The following FBXO34 variants were observed in gnomAD, a reference collection of about 807,000 sequenced individuals.
The protein encoded by FBXO34 is F-box protein 34, also known as F-box only protein 34.
FBXO34 carries 12 observed loss-of-function variants against 24.5 expected under a neutral mutation model. That is an observed-to-expected ratio of 0.49 (90% CI 0.31 to 0.79). FBXO34 has a LOEUF of 0.79. Ranked by LOEUF, FBXO34 falls within the 30% of genes least tolerant of loss-of-function variation. FBXO34 has a pLI of 0.04. For missense variants in FBXO34, 823 were observed against 857.7 expected (o/e 0.96, Z 0.51); for synonymous variants, 320 against 311.9 (o/e 1.03, Z -0.27).
chr14:55,287,938 C>G (rs1402478733), intron 1 of FBXO34, among the ~76,000 whole-genome samples: 8 of 152,218 alleles, frequency 5.3e-5, no homozygotes, highest in African/African-American at 1.9e-4. Flanking sequence ...TTGTTGTGTG[C>G]CTGTGTTTTG....
the FBXO34 span, among the ~76,000 whole-genome samples, chr14:55,405,561 A>C: frequency 6.6e-6 from 1 of 152,206 alleles, no homozygotes; most frequent in Non-Finnish European, 1.5e-5. Flanking sequence ...AGGTATCCTT[A>C]GATTAATTCT....
At chr14:55,312,856 G>C (rs1882795257) in intron 1 of FBXO34, among the ~76,000 whole-genome samples, 1 of 152,216 alleles carries the variant, frequency 6.6e-6, no homozygotes, top group Non-Finnish European at 1.5e-5. Flanking sequence ...TGATGGGATG[G>C]GGCTGCTGTG....
chr14:55,375,119 C>T, the FBXO34 span, among the ~76,000 whole-genome samples: 1 of 152,180 alleles, frequency 6.6e-6, no homozygotes, highest in Admixed American at 6.5e-5. Flanking sequence ...TTCAGCTCCA[C>T]TCCTCATACG....
At chr14:55,367,317 C>CGTTAA (rs1415832190) in exon 3 of FBXO34, 4 of 152,164 alleles carry the variant, frequency 2.6e-5, no homozygotes, top group Non-Finnish European at 2.9e-5. Flanking sequence ...CTTACAAGAT[C>CGTTAA]GTTAAGTTTA....
the FBXO34 span, among the ~76,000 whole-genome samples, chr14:55,375,588 C>A: frequency 2.0e-5 from 3 of 150,454 alleles, no homozygotes; most frequent in East Asian, 5.8e-4. Flanking sequence ...AAGTGATCCT[C>A]CCACTTCAGC....
At chr14:55,365,205 T>TATCA (rs1475718999), downstream of FBXO34, among the ~76,000 whole-genome samples, 2 of 142,116 alleles carry the variant, frequency 1.4e-5, no homozygotes, top group African/African-American at 5.2e-5. Flanking sequence ...AGTGAGACTC[T>TATCA]ATCATCTCTT....
At position 55,276,020 on chromosome 14, in the gene FBXO34, C is replaced by T. The variant is rs144511491; in HGVS notation, c.-11+4483C>T. ...TAGAATGAATGGAACTTGGTGAGTT[C>T]GGGCTTCCTTAGAGGCAAGAACAAG... is the stretch of plus-strand genomic sequence containing the variant. On this transcript the variant is annotated intron_variant, in intron 1 of 1. Coordinates refer to ENST00000313833, the MANE Select transcript of FBXO34 (RefSeq NM_017943.4). 2.3e-3 allele frequency among the ~76,000 whole-genome samples: 346 copies of T among 152,234 alleles called. 1 individual carries two copies. The highest frequency in any genetic ancestry group is 4.4e-3 in the Admixed American group (67 of 15,296).
At chr14:55,367,778 C>G (rs949189356) in exon 3 of FBXO34, 2 of 151,772 alleles carry the variant, frequency 1.3e-5, no homozygotes, top group African/African-American at 4.8e-5. Flanking sequence ...ACGAGAAAAG[C>G]CTACTTCCTC....
In FBXO34 at chr14:55,327,907, GGTTT is replaced by G. The variant is rs1482039382; in HGVS notation, c.-10-22473_-10-22470del. Among the ~76,000 whole-genome samples the G allele has an allele frequency of 1.2e-3, 87 of 73,854 alleles. 1 individual carries two copies. Among genetic ancestry groups the G allele is most frequent in the African/African-American group, 4.4e-3 (84 of 19,298 alleles). 48.5% of individuals were successfully genotyped at this position (73,854 alleles called of 152,430 possible). ...TCATATGATTTTCTTTGTTGTTGTT[GGTTT>G]TTTTTTTTTTTTTTTTTTTTTTTTT... On this transcript the variant is annotated intron_variant, in intron 1 of 1. Transcript: ENST00000313833.
At chr14:55,414,117 A>G in the FBXO34 span, 3 of 561,506 alleles carry the variant, frequency 5.3e-6, no homozygotes, top group African/African-American at 3.7e-5. Context: ...TTGAGTCTTC[A>G]TGATGCTACA....
intron 1 of FBXO34, among the ~76,000 whole-genome samples, chr14:55,277,663 A>G (rs1881388961): frequency 6.6e-6 from 1 of 152,172 alleles, no homozygotes; most frequent in South Asian, 2.1e-4. Context: ...GTAATTAGGT[A>G]TCTGAAGAGA....
At chr14:55,437,094 G>T in the FBXO34 span, 1 of 1,223,492 alleles carries the variant, frequency 8.2e-7, no homozygotes, top group Non-Finnish European at 1.2e-6. Context: ...ATGTCACTAT[G>T]GCAGGCAGGC....
downstream of FBXO34, among the ~76,000 whole-genome samples, chr14:55,374,362 T>G (rs78304950): frequency 6.8e-3 from 1,035 of 152,322 alleles, 16 homozygotes; most frequent in East Asian, 0.049. Context: ...GAGCCGCATG[T>G]TTTAATCTTT....
chr14:55,383,349 G>A, the FBXO34 span, among the ~76,000 whole-genome samples: 1 of 151,966 alleles, frequency 6.6e-6, no homozygotes, highest in Non-Finnish European at 1.5e-5. Context: ...TCAGGAATTC[G>A]AGATCAGCCT....
At chr14:55,344,238 C>G (rs1884084647) in intron 1 of FBXO34, among the ~76,000 whole-genome samples, 1 of 152,160 alleles carries the variant, frequency 6.6e-6, no homozygotes, top group Non-Finnish European at 1.5e-5. Context: ...TTCCTCACAG[C>G]AGGGTCACCA....
chr14:55,413,097 A>G, the FBXO34 span, among the ~76,000 whole-genome samples: 553 of 152,316 alleles, frequency 3.6e-3, 4 homozygotes, highest in African/African-American at 0.013. Flanking sequence ...AAAATTCTCT[A>G]TATTCAGAAT....
At chr14:55,274,483 A>G (rs950278890) in intron 1 of FBXO34, among the ~76,000 whole-genome samples, 1 of 152,140 alleles carries the variant, frequency 6.6e-6, no homozygotes, top group Non-Finnish European at 1.5e-5. Flanking sequence ...AAATGGTTTT[A>G]TGGAAATTAA....
chr14:55,391,111 TTA>T, the FBXO34 span: 3 of 650,416 alleles, frequency 4.6e-6, no homozygotes, highest in Non-Finnish European at 7.8e-6. Context: ...GAAAAAGACC[TTA>T]TGTTATAGCT....
the FBXO34 span, among the ~76,000 whole-genome samples, chr14:55,438,593 C>G: frequency 6.6e-6 from 1 of 152,124 alleles, no homozygotes; most frequent in Non-Finnish European, 1.5e-5. Flanking sequence ...GGCATTTTAT[C>G]AGGGAACAAA....
Sources: allele counts gnomAD v4.1 joint callset (sites outside exome capture counted in the v4.1 genomes callset), GRCh38; gene constraint gnomAD v4.1.1; transcripts MANE v1.5; gene names NCBI Gene and HGNC (gene_info 2026-07-23, HGNC 2026-07-21).